PCDH11X: variants seen among roughly 807,000 people sequenced by gnomAD.
PCDH11X encodes the protein protocadherin 11 X-linked.
In PCDH11X, 18 loss-of-function variants were observed where a neutral mutation model predicts 53.3. The observed-to-expected ratio is 0.34, with a 90% CI of 0.23 to 0.50. The LOEUF (loss-of-function observed/expected upper bound fraction) is 0.50, where lower values mean the gene tolerates loss of function less well. Ranked by LOEUF, PCDH11X falls within the 20% of genes least tolerant of loss-of-function variation. PCDH11X has a pLI of 0.98. For missense variants in PCDH11X, 570 were observed against 1,032.4 expected (o/e 0.55, Z 6.14); for synonymous variants, 279 against 393.3 (o/e 0.71, Z 3.44).
At chrX:92,147,810 C>CTTTCTTTCTTTTTCTTT (rs1556065506) in intron 6 of PCDH11X, among the ~76,000 whole-genome samples, 1 of 70,198 alleles carries the variant, frequency 1.4e-5, no homozygotes, top group Non-Finnish European at 2.6e-5. Context: ...TTTCTTCCTT[C>CTTTCTTTCTTTTTCTTT]CTTTCTTTCT....
chrX:92,269,707 T>TA (rs200593646), intron 8 of PCDH11X, among the ~76,000 whole-genome samples: 7,633 of 110,721 alleles, frequency 0.069, 470 homozygotes, highest in East Asian at 0.27. Context: ...CATTTGTCAA[T>TA]AAAAAAATAT....
chrX:91,796,150 C>T (rs779293589), intron 1 of PCDH11X, among the ~76,000 whole-genome samples: 1 of 111,607 alleles, frequency 9.0e-6, no homozygotes, highest in East Asian at 2.8e-4. Context: ...ATATTTTAGT[C>T]TTGTTATATT....
intron 6 of PCDH11X, among the ~76,000 whole-genome samples, chrX:91,904,001 G>A (rs1460446266): frequency 9.1e-6 from 1 of 109,609 alleles, no homozygotes; most frequent in Admixed American, 9.9e-5. Flanking sequence ...ATAATCAGGA[G>A]TGTAAGTTTT....
intron 8 of PCDH11X, among the ~76,000 whole-genome samples, chrX:92,336,184 G>A (rs1326317402): frequency 9.0e-6 from 1 of 111,683 alleles, no homozygotes; most frequent in African/African-American, 3.2e-5. Context: ...ACTATTATAA[G>A]AAAATAATTT....
intron 10 of PCDH11X, among the ~76,000 whole-genome samples, chrX:92,525,061 T>C (rs1321452621): frequency 1.8e-5 from 2 of 111,973 alleles, no homozygotes; most frequent in Non-Finnish European, 3.8e-5. Context: ...AACTATTACA[T>C]GTCTTCAATC....
chrX:92,403,358 T>TTTTTTTTTTTTTTTTTTC (rs2071437312), intron 9 of PCDH11X, among the ~76,000 whole-genome samples: 1 of 99,186 alleles, frequency 1.0e-5, no homozygotes, highest in African/African-American at 3.8e-5. Flanking sequence ...TTTTTTTTTT[T>TTTTTTTTTTTTTTTTTTC]TTGTAGAATG....
At chrX:92,077,058 A>T (rs1392213844) in intron 6 of PCDH11X, among the ~76,000 whole-genome samples, 3 of 111,885 alleles carry the variant, frequency 2.7e-5, no homozygotes, top group Non-Finnish European at 5.6e-5. Context: ...TATACACATC[A>T]TTTGTACAAC....
chrX:91,908,494 G>C (rs1941264137), intron 6 of PCDH11X, among the ~76,000 whole-genome samples: 1 of 112,064 alleles, frequency 8.9e-6, no homozygotes, highest in East Asian at 2.8e-4. Context: ...ACTCACGCCA[G>C]TCAGAATGGC....
chrX:92,142,849 G>GTATA (rs202066998), intron 6 of PCDH11X, among the ~76,000 whole-genome samples: 1 of 107,425 alleles, frequency 9.3e-6, no homozygotes, highest in Non-Finnish European at 1.9e-5. Flanking sequence ...TAAATTGTGT[G>GTATA]TATATATATA....
intron 6 of PCDH11X, among the ~76,000 whole-genome samples, chrX:92,108,854 C>T (rs6618858): frequency 0.17 from 18,564 of 110,592 alleles, 1,336 homozygotes; most frequent in East Asian, 0.41. Context: ...TCCTGTTAAG[C>T]ATTGAATAAT....
chrX:92,520,477 C>CTTTTT (rs2074352688), intron 10 of PCDH11X, among the ~76,000 whole-genome samples: 57 of 46,535 alleles, frequency 1.2e-3, no homozygotes, highest in African/African-American at 4.9e-3. Flanking sequence ...GTGGCTGTGG[C>CTTTTT]ATTTTTTTTT....
intron 10 of PCDH11X, among the ~76,000 whole-genome samples, chrX:92,573,682 GA>G (rs1249233706): frequency 9.1e-6 from 1 of 110,284 alleles, no homozygotes; most frequent in Non-Finnish European, 1.9e-5. Context: ...CAGTTTCATA[GA>G]AATAATAATA....
At chrX:92,034,464 C>T (rs780223682) in intron 6 of PCDH11X, among the ~76,000 whole-genome samples, 29 of 108,498 alleles carry the variant, frequency 2.7e-4, no homozygotes, top group African/African-American at 9.4e-4. Flanking sequence ...TATCCTCTTT[C>T]TGAATTGACT....
At chrX:92,221,278 AACACACACACACACACACACAC>A (rs58264678) in intron 7 of PCDH11X, among the ~76,000 whole-genome samples, 5 of 88,034 alleles carry the variant, frequency 5.7e-5, no homozygotes, top group South Asian at 5.6e-4. Context: ...CATTGTATAC[AACACACACACACACACACACAC>A]ACACACACAC....
At chrX:92,148,091 T>C (rs2065342080) in intron 6 of PCDH11X, among the ~76,000 whole-genome samples, 1 of 20,993 alleles carries the variant, frequency 4.8e-5, no homozygotes, top group South Asian at 2.3e-3. Flanking sequence ...TCTTTCTTTC[T>C]TTCTTTCTTT....
At position 91,981,998 on chromosome X, in the gene PCDH11X, G is replaced by A. The variant is rs771561693; in HGVS notation, c.3033+102725G>A. Among the ~76,000 whole-genome samples the A allele has an allele frequency of 3.0e-4, 33 of 108,640 alleles. No individual in the cohort carries two copies. The South Asian group carries it at 7.0e-3, about 23-fold the overall frequency. 94.3% of individuals were successfully genotyped at this position (108,640 alleles called of 115,157 possible). ...ACCATGTGATTACAATCACACAGAC[G>A]CTTCCAAGCTTATAGCTGGAGTTCC... is the stretch of plus-strand genomic sequence containing the variant. On this transcript the variant is annotated intron_variant, in intron 6 of 10. Transcript: ENST00000682573.
At chrX:92,320,947 G>C (rs1348706380) in intron 8 of PCDH11X, among the ~76,000 whole-genome samples, 1 of 107,620 alleles carries the variant, frequency 9.3e-6, no homozygotes, top group Non-Finnish European at 1.9e-5. Context: ...TTCACTTTGG[G>C]GCGAAGACCT....
chrX:91,964,183 C>G (rs2061832605), intron 6 of PCDH11X, among the ~76,000 whole-genome samples: 1 of 100,462 alleles, frequency 1.0e-5, no homozygotes, highest in South Asian at 4.3e-4. Context: ...AATAGATATC[C>G]TGTGTTCTTA....
intron 5 of PCDH11X, among the ~76,000 whole-genome samples, chrX:91,864,824 C>T (rs777697923): frequency 8.9e-6 from 1 of 111,891 alleles, no homozygotes; most frequent in Non-Finnish European, 1.9e-5. Context: ...TTCAGTATAT[C>T]TATTGCATTA....
Sources: allele counts gnomAD v4.1 joint callset (sites outside exome capture counted in the v4.1 genomes callset), GRCh38; gene constraint gnomAD v4.1.1; transcripts MANE v1.5; gene names NCBI Gene and HGNC (gene_info 2026-07-23, HGNC 2026-07-21).